The following FAT2 variants were observed in gnomAD, a reference collection of about 807,000 sequenced individuals.
FAT2 encodes the protein FAT atypical cadherin 2.
FAT2 carries 150 observed loss-of-function variants against 295.3 expected under a neutral mutation model. The ratio of observed to expected loss-of-function variants is 0.51; its 90% CI spans 0.44 to 0.58. The LOEUF (loss-of-function observed/expected upper bound fraction) is 0.58, where lower values mean the gene tolerates loss of function less well. Among genes scored for constraint, FAT2 ranks in the 20% least tolerant of loss-of-function variants. FAT2 has a pLI of 0.00. For synonymous variants in FAT2, 2,026 were observed against 2,150.3 expected (o/e 0.94, Z 1.60); for missense variants, 4,868 against 5,442.7 (o/e 0.89, Z 3.32).
At chr5:151,535,879 T>C (rs939376676) in intron 12 of FAT2, among the ~76,000 whole-genome samples, 2 of 152,182 alleles carry the variant, frequency 1.3e-5, no homozygotes, top group African/African-American at 4.8e-5. Context: ...ACACATTTGG[T>C]CACAGAAGTC....
Position 151,512,084 on chromosome 5 carries a change from A to C in FAT2, c.11905+81T>G. ...AAATTTGGAACCAGGAGGCTCTGAGATCTCCACCCTGACATGCTTTTCCCA... is the reference window on the plus strand; with the variant it reads ...AAATTTGGAACCAGGAGGCTCTGAGCTCTCCACCCTGACATGCTTTTCCCA... On this transcript the variant is annotated intron_variant, in intron 21 of 23. Transcript: ENST00000261800. This position sits in a 1 kb window ranked among gnomAD's most constrained non-coding sequence, Gnocchi z 4.1. The C allele has an allele frequency of 7.3e-7, 1 of 1,370,442 alleles. No homozygotes were observed. Among genetic ancestry groups the C allele is most frequent in the South Asian group, 1.4e-5 (1 of 71,952 alleles). The allele number at this position is 1,370,442 out of a possible 1,614,324, so 84.9% of individuals were successfully genotyped here. A position where few individuals can be genotyped will look rare whatever the true frequency, so the allele number is the denominator to read the frequency against.
chr5:151,584,297 G>A (rs753444691), intron 1 of FAT2, among the ~76,000 whole-genome samples: 8 of 152,136 alleles, frequency 5.3e-5, no homozygotes, highest in Non-Finnish European at 1.0e-4. Context: ...ACAGAACCGC[G>A]AGGACAATGG....
At chr5:151,537,208 A>G (rs1163437066) in intron 12 of FAT2, among the ~76,000 whole-genome samples, 1 of 142,576 alleles carries the variant, frequency 7.0e-6, no homozygotes, top group East Asian at 2.3e-4. Flanking sequence ...AGAAAGAAGA[A>G]GAGGAAGAAG....
chr5:151,590,296 A>G (rs1193674292), intron 1 of FAT2, among the ~76,000 whole-genome samples: 2 of 152,112 alleles, frequency 1.3e-5, no homozygotes, highest in Non-Finnish European at 2.9e-5. Flanking sequence ...CCAGCTCCAG[A>G]TTGAGGCTGG....
At chr5:151,569,360 C>G (rs185018964) in intron 1 of FAT2, among the ~76,000 whole-genome samples, 1 of 152,286 alleles carries the variant, frequency 6.6e-6, no homozygotes, top group Admixed American at 6.5e-5. Flanking sequence ...GGGGAACTCC[C>G]CTTTGTAAAA....
Position 151,568,613 on chromosome 5 carries a change from G to A in FAT2, c.319C>T (p.Leu107=), listed in dbSNP as rs1453765589. 2.5e-6 allele frequency: 4 copies of A among 1,614,046 alleles called. No individual in the cohort carries two copies. Among genetic ancestry groups the A allele is most frequent in the Non-Finnish European group, 3.4e-6 (4 of 1,180,036 alleles). The change falls in exon 2 of 24, where the codon CTG becomes TTG. Residue 107 remains leucine, a synonymous_variant. Transcript: ENST00000261800. ...IRTKSSNTAL[L]NREVRDSYTL... is the part of the protein sequence containing the mutation. The stretch of plus-strand genomic sequence containing the variant: ...TAGCTGTCTCGCACCTCTCTGTTCA[G>A]AAGAGCTGTGTTGCTGCTCTTTGTC...
At position 151,531,657 on chromosome 5, in the gene FAT2, G is replaced by A. The variant is rs772008822; in HGVS notation, c.9741C>T (p.Gly3247=). ...CCACGCGGTAGCCGGTCTTCTCTGC[G>A]CCCGGGCGAGTGAGGGTGGCCAGCT... ...VLQLATLTRP[G]AEKTGYRVVS... is the part of the protein sequence containing the mutation. Residue 3247 remains glycine, a synonymous_variant, in exon 14 of 24, where the codon GGC becomes GGT. Transcript: ENST00000261800. This position sits in a 1 kb window ranked among gnomAD's most constrained non-coding sequence, Gnocchi z 5.7. 6.2e-6 allele frequency: 10 copies of A among 1,613,612 alleles called. No homozygotes were observed. The South Asian group carries it at 7.7e-5, about 12-fold the overall frequency.
chr5:151,509,910 C>T lies in FAT2; in HGVS notation c.12059+111G>A, dbSNP rs1461871433. On this transcript the variant is annotated intron_variant, in intron 22 of 23. Transcript: ENST00000261800. Reference sequence around the variant, plus strand: ...TAACAGATGGAAAAGGCCTAGAAGCCAGGTCCCTGCAGCACTCTCCCCTGG... The same window carrying T: ...TAACAGATGGAAAAGGCCTAGAAGCTAGGTCCCTGCAGCACTCTCCCCTGG... 14 of 1,288,414 alleles carry T rather than the reference C, an allele frequency of 1.1e-5. No homozygotes were observed. The African/African-American group carries it at 1.2e-4, about 11-fold the overall frequency. 79.8% of individuals were successfully genotyped at this position (1,288,414 alleles called of 1,614,324 possible). A position where few individuals can be genotyped will look rare whatever the true frequency, so the allele number is the denominator to read the frequency against.
At chr5:151,542,259 C>T (rs1756224907) in intron 10 of FAT2, 26 bp downstream of exon 10, 2 of 1,547,552 alleles carry the variant, frequency 1.3e-6, no homozygotes, top group Non-Finnish European at 1.7e-6. Context: ...ATTCCAGAGC[C>T]TGCAGTCCAT....
Position 151,531,814 on chromosome 5 carries a change from G to A in FAT2, c.9584C>T (p.Pro3195Leu), listed in dbSNP as rs1052235333. 1.2e-6 allele frequency: 2 copies of A among 1,613,564 alleles called. No individual in the cohort carries two copies. The highest frequency in any genetic ancestry group is 2.7e-5 in the African/African-American group (2 of 74,898). Residue 3195 changes from proline (P) to leucine (L), a missense_variant, in exon 14 of 24, where the codon CCA (proline) becomes CTA (leucine). Pro to Leu is a moderately conservative substitution (Grantham distance 98). Coordinates refer to ENST00000261800, the MANE Select transcript of FAT2 (RefSeq NM_001447.3). The surrounding 1 kb of genome is among the most constrained non-coding windows in gnomAD (Gnocchi z 5.7). ...GGTGCCCAGCGTGGACAGCGGTATTGGGGTGCCCAGGTCAGAGGCACGGAC... is the reference window on the plus strand; with the variant it reads ...GGTGCCCAGCGTGGACAGCGGTATTAGGGTGCCCAGGTCAGAGGCACGGAC... ...LTVRASDLGT[P>L]IPLSTLGTVT...
chr5:151,585,411 G>A (rs999912418), intron 1 of FAT2, among the ~76,000 whole-genome samples: 20 of 152,190 alleles, frequency 1.3e-4, no homozygotes, highest in Non-Finnish European at 2.1e-4. Flanking sequence ...TCAGGAGTTC[G>A]AGACCAGCCC....
chr5:151,506,240 G>T (rs1760862897), intron 23 of FAT2, 143 bp from the exon 24 acceptor site: 1 of 813,868 alleles, frequency 1.2e-6, no homozygotes, highest in Non-Finnish European at 1.7e-6. Context: ...TGTCTCTGTT[G>T]GCTTACGTTG....
At chr5:151,511,877 G>A in intron 21 of FAT2, 1 of 441,594 alleles carries the variant, frequency 2.3e-6, no homozygotes. Context: ...ATAGACCAGT[G>A]ATGACACTAA....
At chr5:151,526,708 T>G (rs1335471698) in intron 17 of FAT2, among the ~76,000 whole-genome samples, 1 of 152,128 alleles carries the variant, frequency 6.6e-6, no homozygotes, top group Non-Finnish European at 1.5e-5. Context: ...CCCATACCCA[T>G]AATATATAAA....
At position 151,549,408 on chromosome 5, in the gene FAT2, T is replaced by C. The variant is rs1180308980; in HGVS notation, c.4676A>G (p.His1559Arg). The change falls in exon 9 of 24, where the codon CAT becomes CGT. Residue 1559 changes from histidine (H) to arginine (R), a missense_variant. His to Arg is a conservative substitution (Grantham distance 29). Around this residue, in one of 5 missense-constraint regions of FAT2, gnomAD observed 3,297 missense variants for 3,669.4 expected, o/e 0.90. Transcript: ENST00000261800. ...GGTGTCAGGAACACTTGCCTCATAA[T>C]GGAGCTGAGTGAAGCGGGGTGGGTG... ...NLHPPRFTQL[H>R]YEASVPDTIA... is the part of the protein sequence containing the mutation. 1.2e-6 allele frequency: 2 copies of C among 1,614,140 alleles called. No individual in the cohort carries two copies.
rs1239005158 is a variant in FAT2 at position 151,567,158 on chromosome 5, C to T, written c.1774G>A (p.Asp592Asn). Reference protein sequence around the residue: ...SIMTMSAIDVDELQNLKYEIV... With the variant: ...SIMTMSAIDVNELQNLKYEIV... Reference sequence around the variant, plus strand: ...TCGTATTTTAGGTTCTGAAGCTCATCCACATCTATGGCTGACATAGTCATT... The same window carrying T: ...TCGTATTTTAGGTTCTGAAGCTCATTCACATCTATGGCTGACATAGTCATT... The change falls in exon 2 of 24, where the codon GAT becomes AAT. Residue 592 changes from aspartate (D) to asparagine (N), a missense_variant. Asp to Asn is a conservative substitution (Grantham distance 23). Transcript: ENST00000261800. 4 of 1,614,082 alleles carry T rather than the reference C, an allele frequency of 2.5e-6. No homozygotes were observed. Among genetic ancestry groups the T allele is most frequent in the Admixed American group, 3.3e-5 (2 of 60,006 alleles).
intron 1 of FAT2, among the ~76,000 whole-genome samples, chr5:151,576,771 G>C (rs1044856985): frequency 3.3e-5 from 5 of 152,090 alleles, no homozygotes; most frequent in African/African-American, 1.2e-4. Flanking sequence ...TCTCTCCTTA[G>C]TAGTAGGGAG....
At chr5:151,521,001 C>T (rs546435061) in intron 19 of FAT2, among the ~76,000 whole-genome samples, 4 of 152,364 alleles carry the variant, frequency 2.6e-5, no homozygotes, top group East Asian at 3.9e-4. Flanking sequence ...CCCATGAAGA[C>T]TGAAGCCACA....
chr5:151,563,478 C>T lies in FAT2; in HGVS notation c.3421G>A (p.Val1141Met), dbSNP rs531898432. Residue 1141 changes from valine to methionine, a missense_variant, in exon 3 of 24, where the codon GTG (valine) becomes ATG (methionine). Physicochemically the swap from Val to Met is conservative, Grantham distance 21. This residue lies in a region of FAT2 where 3,297 missense variants were observed against 3,669.4 expected (regional missense o/e 0.90). Coordinates refer to ENST00000261800, the MANE Select transcript of FAT2 (RefSeq NM_001447.3). ...NDNPPQMSQA[V>M]FYPSIQEDAP... ...TCCTCCTGGATGGAGGGGTAGAACA[C>T]AGCTTGGGACATCTGGGGTGGGTTG... 21 of 1,614,212 alleles carry T rather than the reference C, an allele frequency of 1.3e-5. No individual in the cohort carries two copies. The South Asian group carries it at 1.8e-4, about 14-fold the overall frequency.
Sources: allele counts gnomAD v4.1 joint callset (sites outside exome capture counted in the v4.1 genomes callset), GRCh38; gene constraint gnomAD v4.1.1; regional missense constraint gnomAD v4.1.1; non-coding constraint Gnocchi (gnomAD v3.1); transcripts MANE v1.5; gene names NCBI Gene and HGNC (gene_info 2026-07-23, HGNC 2026-07-21).